Variants in SYT12 observed in about 807,000 individuals in gnomAD.
SYT12 encodes synaptotagmin 12.
Under a neutral mutation model 39.5 loss-of-function variants are expected in SYT12, and 27 were observed. The observed-to-expected ratio is 0.68, with a 90% CI of 0.50 to 0.94. The LOEUF (loss-of-function observed/expected upper bound fraction) is 0.94, where lower values mean the gene tolerates loss of function less well. Among genes scored for constraint, SYT12 ranks in the 40% least tolerant of loss-of-function variants. The probability of loss-of-function intolerance (pLI) is 0.00; values close to 1 mark genes in which losing one functional copy is unlikely to be tolerated. For missense variants in SYT12, 536 were observed against 572.6 expected (o/e 0.94, Z 0.65); for synonymous variants, 233 against 239.7 (o/e 0.97, Z 0.26).
chr11:67,019,567 C>A (rs185051961), upstream of SYT12, among the ~76,000 whole-genome samples: 323 of 152,078 alleles, frequency 2.1e-3, 1 homozygote, highest in African/African-American at 7.4e-3. Context: ...CCCACTGGGT[C>A]CCTCCTACAA....
chr11:67,009,059 A>G (rs993100597), intron 1 of SYT12, among the ~76,000 whole-genome samples: 1 of 151,966 alleles, frequency 6.6e-6, no homozygotes, highest in African/African-American at 2.4e-5. Flanking sequence ...CGCCCAGGCT[A>G]GAGTACAGTG....
chr11:67,032,719 T>C (rs1206814516), intron 2 of SYT12: 1 of 152,062 alleles, frequency 6.6e-6, no homozygotes, highest in African/African-American at 2.4e-5. Context: ...GCCTGGCCAA[T>C]ATGGTGGAAC....
rs971586444 is a variant in SYT12 at position 67,023,338 on chromosome 11, C to G, written c.-146C>G. On this transcript the variant is annotated 5_prime_UTR_variant, in exon 1 of 8. Transcript: ENST00000527043. ...GCCGCGCTCCTCGGAGGCGGGAGCC[C>G]GGCGACACTGCAGGGGTGGCGTTGC... 3.4e-5 allele frequency: 5 copies of G among 148,386 alleles called. No homozygotes were observed. Among genetic ancestry groups the G allele is most frequent in the African/African-American group, 1.2e-4 (5 of 41,036 alleles). 9.2% of individuals were successfully genotyped at this position (148,386 alleles called of 1,614,324 possible).
At chr11:67,020,879 C>G (rs189993403), upstream of SYT12, among the ~76,000 whole-genome samples, 222 of 152,294 alleles carry the variant, frequency 1.5e-3, 2 homozygotes, top group African/African-American at 5.2e-3. Flanking sequence ...TAGGTGCATA[C>G]CACCACGCCC....
chr11:67,019,893 T>C (rs1950091179), upstream of SYT12, among the ~76,000 whole-genome samples: 1 of 130,662 alleles, frequency 7.7e-6, no homozygotes, highest in Non-Finnish European at 1.7e-5. Context: ...TGAGACCCTG[T>C]CTCAAAAAAA....
Position 67,034,844 on chromosome 11 carries a change from G to A in SYT12, c.228+6G>A. 1 of 1,526,424 alleles carries A rather than the reference G, an allele frequency of 6.6e-7. No individual in the cohort carries two copies. Among genetic ancestry groups the A allele is most frequent in the Non-Finnish European group, 8.8e-7 (1 of 1,141,920 alleles). The allele number at this position is 1,526,424 out of a possible 1,614,324, so 94.6% of individuals were successfully genotyped here. A position where few individuals can be genotyped will look rare whatever the true frequency, so the allele number is the denominator to read the frequency against. On this transcript the variant is annotated splice_donor_region_variant and intron_variant, in intron 3 of 7. Transcript: ENST00000527043. ...GCGCAGAGGCCAGGGAGAAGGTGAGGCTTCTGCTCCTGCAGGTGCACAGCG... is the reference window on the plus strand; with the variant it reads ...GCGCAGAGGCCAGGGAGAAGGTGAGACTTCTGCTCCTGCAGGTGCACAGCG...
rs1311493731 is a variant in SYT12, at chr11:67,036,911, T to A, written c.228+2073T>A. Among the ~76,000 whole-genome samples, 3 of 152,102 alleles carry A rather than the reference T, an allele frequency of 2.0e-5. No homozygotes were observed. In the East Asian group the frequency reaches 5.8e-4, roughly 29 times the overall value. Reference sequence around the variant, plus strand: ...CAACATGGAGAAACCTGGTCTCTACTAAAAATACAAAATTAGCCAAGTGTG... The same window carrying A: ...CAACATGGAGAAACCTGGTCTCTACAAAAAATACAAAATTAGCCAAGTGTG... On this transcript the variant is annotated intron_variant, in intron 3 of 7. Coordinates refer to ENST00000527043, the MANE Select transcript of SYT12 (RefSeq NM_177963.4).
intron 3 of SYT12, among the ~76,000 whole-genome samples, chr11:67,039,290 A>G (rs2136224447): frequency 6.9e-6 from 1 of 145,150 alleles, no homozygotes; most frequent in Non-Finnish European, 1.5e-5. Flanking sequence ...TGACAGAGTG[A>G]GACTCTCTCA....
At chr11:67,033,460 A>G (rs1387118158) in intron 2 of SYT12, among the ~76,000 whole-genome samples, 6 of 152,124 alleles carry the variant, frequency 3.9e-5, no homozygotes, top group South Asian at 2.1e-4. Flanking sequence ...TGGGTGCTCA[A>G]TGGATGTGCA....
chr11:67,033,132 C>T (rs1950301351), intron 2 of SYT12, among the ~76,000 whole-genome samples: 1 of 152,000 alleles, frequency 6.6e-6, no homozygotes, highest in African/African-American at 2.4e-5. Context: ...ACTCCTCTAG[C>T]CCCGGGTCCC....
At chr11:67,026,244 C>T (rs1402215157) in intron 1 of SYT12, among the ~76,000 whole-genome samples, 1 of 152,004 alleles carries the variant, frequency 6.6e-6, no homozygotes, top group African/African-American at 2.4e-5. Context: ...AACCCATTGT[C>T]CCCATATCTT....
At chr11:67,035,367 C>G (rs1950338802) in intron 3 of SYT12, among the ~76,000 whole-genome samples, 2 of 150,314 alleles carry the variant, frequency 1.3e-5, no homozygotes, top group Admixed American at 1.3e-4. Context: ...CCTTGCAGAG[C>G]AGGGCTACCC....
rs778900377 is a variant in SYT12 at position 67,039,804 on chromosome 11, C to T, written c.229-7C>T. On this transcript the variant is annotated splice_region_variant and splice_polypyrimidine_tract_variant and intron_variant, in intron 3 of 7. Transcript: ENST00000527043. ...GATGCTCCCACGTCCCTCTTTCTCA[C>T]CCCTAGAGAGTGCCTGCCTGGAATG... 3.7e-6 allele frequency: 6 copies of T among 1,606,388 alleles called. No individual in the cohort carries two copies. Among genetic ancestry groups the T allele is most frequent in the Non-Finnish European group, 5.1e-6 (6 of 1,178,264 alleles).
chr11:67,042,128 G>T (rs146123239), intron 4 of SYT12, among the ~76,000 whole-genome samples: 1 of 152,196 alleles, frequency 6.6e-6, no homozygotes, highest in African/African-American at 2.4e-5. Flanking sequence ...TCAAATCCTT[G>T]TTCCACCTCT....
At chr11:67,020,763 C>A (rs910562333), upstream of SYT12, among the ~76,000 whole-genome samples, 9 of 152,164 alleles carry the variant, frequency 5.9e-5, no homozygotes, top group African/African-American at 2.2e-4. Context: ...GACGGAGTCT[C>A]TGTCGCCCAG....
Position 67,048,603 on chromosome 11 carries a change from C to T in SYT12, c.1112C>T (p.Thr371Met), listed in dbSNP as rs1854642150. 5.0e-6 allele frequency: 8 copies of T among 1,603,696 alleles called. No individual in the cohort carries two copies. The highest frequency in any genetic ancestry group is 2.2e-5 in the South Asian group (2 of 90,920). ...IVLQDLSLRV[T>M]VAESSSDGRG... ...CCTCAGGACCTGTCTCTCCGCGTGACGGTGGCTGAGAGCAGCAGCGACGGC... is the reference window on the plus strand; with the variant it reads ...CCTCAGGACCTGTCTCTCCGCGTGATGGTGGCTGAGAGCAGCAGCGACGGC... The change falls in exon 8 of 8, where the codon ACG (threonine) becomes ATG (methionine). Residue 371 changes from threonine to methionine, a missense_variant. Transcript: ENST00000527043.
At chr11:67,037,857 G>T (rs914514397) in intron 3 of SYT12, among the ~76,000 whole-genome samples, 1 of 150,432 alleles carries the variant, frequency 6.6e-6, no homozygotes, top group Admixed American at 6.6e-5. Context: ...ACTCCAGCCT[G>T]GGCGACAGAG....
At chr11:67,030,291 C>T (rs1016601449) in intron 2 of SYT12, 113 bp downstream of exon 2, 2 of 1,256,444 alleles carry the variant, frequency 1.6e-6, no homozygotes, top group Admixed American at 1.9e-5. Flanking sequence ...TTAATGTCTT[C>T]ACTGTCAAGG....
intron 3 of SYT12, among the ~76,000 whole-genome samples, chr11:67,036,945 T>C (rs1412314009): frequency 6.6e-6 from 1 of 152,156 alleles, no homozygotes; most frequent in Non-Finnish European, 1.5e-5. Flanking sequence ...TGGTGGCGCA[T>C]GCCTGTAATC....
Sources: gnomAD v4.1 joint callset for allele counts (sites outside exome capture counted in the v4.1 genomes callset) on GRCh38, gnomAD v4.1.1 for gene constraint, MANE v1.5 for transcripts, NCBI Gene and HGNC (gene_info 2026-07-23, HGNC 2026-07-21) for gene names.